CENPP: variants seen among roughly 807,000 people sequenced by gnomAD.
CENPP encodes the protein centromere protein P.
CENPP carries 24 observed loss-of-function variants against 35.6 expected under a neutral mutation model. The observed-to-expected ratio is 0.67, with a 90% confidence interval of 0.49 to 0.95. The LOEUF is 0.95. Among genes scored for constraint, CENPP ranks in the 40% least tolerant of loss-of-function variants. The pLI is 0.00. For missense variants in CENPP, 332 were observed against 345.3 expected, an observed-to-expected ratio of 0.96 and a Z score of 0.31; for synonymous variants, 120 against 125.5, an observed-to-expected ratio of 0.96 and a Z score of 0.29.
chr9:92,340,002 T>C (rs1396332057), intron 3 of CENPP: 1 of 153,778 alleles, frequency 6.5e-6, no homozygotes, highest in Non-Finnish European at 1.5e-5. Flanking sequence ...CTGCAACCCA[T>C]GGCAGGTTGG....
chr9:92,423,819 G>A (rs1213485820), intron 5 of CENPP, among the ~76,000 whole-genome samples: 5 of 152,098 alleles, frequency 3.3e-5, no homozygotes, highest in African/African-American at 1.2e-4. Flanking sequence ...GGAATCACTA[G>A]CATTGCTCAG....
intron 1 of CENPP, among the ~76,000 whole-genome samples, chr9:92,329,245 C>T (rs1031058433): frequency 2.9e-5 from 4 of 139,072 alleles, no homozygotes; most frequent in East Asian, 4.2e-4. Context: ...AGTGTGGTGG[C>T]GCAACCTCAG....
At chr9:92,421,342 G>A (rs1843787500) in intron 5 of CENPP, among the ~76,000 whole-genome samples, 1 of 152,136 alleles carries the variant, frequency 6.6e-6, no homozygotes, top group Non-Finnish European at 1.5e-5. Context: ...CCCCGGCCTT[G>A]GAGGGCCTAA....
intron 5 of CENPP, among the ~76,000 whole-genome samples, chr9:92,395,632 G>C (rs1165613953): frequency 6.6e-6 from 1 of 152,196 alleles, no homozygotes; most frequent in Admixed American, 6.5e-5. Flanking sequence ...CCTACCAGCA[G>C]CATATGAGAG....
At chr9:92,556,207 T>G (rs1849720933) in intron 5 of CENPP, among the ~76,000 whole-genome samples, 1 of 152,224 alleles carries the variant, frequency 6.6e-6, no homozygotes, top group Non-Finnish European at 1.5e-5. Flanking sequence ...TGAAGTTTCC[T>G]TTTGGAATTG....
At chr9:92,576,173 AAAGG>A (rs1850277988) in intron 5 of CENPP, among the ~76,000 whole-genome samples, 1 of 152,242 alleles carries the variant, frequency 6.6e-6, no homozygotes, top group Non-Finnish European at 1.5e-5. Context: ...TTCAGCTTAA[AAAGG>A]AAGGAAATTC....
intron 5 of CENPP, among the ~76,000 whole-genome samples, chr9:92,610,069 G>T (rs1851195013): frequency 6.6e-6 from 1 of 151,548 alleles, no homozygotes; most frequent in Non-Finnish European, 1.5e-5. Flanking sequence ...TTGTTTGTTT[G>T]TTTTGAGACG....
At chr9:92,460,182 C>A (rs1184188646) in intron 5 of CENPP, among the ~76,000 whole-genome samples, 2 of 151,642 alleles carry the variant, frequency 1.3e-5, no homozygotes, top group Admixed American at 6.6e-5. Flanking sequence ...TTACAGGCGC[C>A]CTCCACCATG....
chr9:92,602,900 C>A (rs2038685), intron 5 of CENPP, among the ~76,000 whole-genome samples: 26,892 of 151,756 alleles, frequency 0.18, 3,438 homozygotes, highest in East Asian at 0.66. Context: ...AAGTGATTCT[C>A]CTGCCTCAAC....
At position 92,618,757 on chromosome 9, in the gene CENPP, A is replaced by C. The variant is rs1588329934; in HGVS notation, c.*5608A>C. On this transcript the variant is annotated 3_prime_UTR_variant, in exon 8 of 8. Transcript: ENST00000375587. Reference sequence around the variant, plus strand: ...AATTCTGTGCCTGCCAGGGAACAGGAATCCTGGGAACTGTTTAGTTCAAAA... The same window carrying C: ...AATTCTGTGCCTGCCAGGGAACAGGCATCCTGGGAACTGTTTAGTTCAAAA... 1 of 357,618 alleles carries C rather than the reference A, an allele frequency of 2.8e-6. No individual in the cohort carries two copies. The highest frequency in any genetic ancestry group is 1.0e-3 in the Middle Eastern group (1 of 996). 22.2% of individuals were successfully genotyped at this position (357,618 alleles called of 1,614,324 possible).
intron 5 of CENPP, among the ~76,000 whole-genome samples, chr9:92,486,411 A>T (rs1395546068): frequency 2.6e-5 from 4 of 152,196 alleles, no homozygotes; most frequent in Non-Finnish European, 5.9e-5. Flanking sequence ...CAACATGCAG[A>T]TTGTTTGGAG....
intron 5 of CENPP, chr9:92,501,181 C>T: frequency 1.1e-6 from 1 of 906,888 alleles, no homozygotes; most frequent in Non-Finnish European, 1.6e-6. Context: ...GTGATGATTC[C>T]AAATAGGAAC....
chr9:92,595,801 A>G (rs1047249679), intron 5 of CENPP, among the ~76,000 whole-genome samples: 2 of 152,082 alleles, frequency 1.3e-5, no homozygotes, highest in Non-Finnish European at 2.9e-5. Flanking sequence ...ACCTCAGGCA[A>G]TCTGCCCACC....
chr9:92,494,102 A>T (rs951349913), intron 5 of CENPP: 40 of 1,597,702 alleles, frequency 2.5e-5, no homozygotes, highest in Non-Finnish European at 3.2e-5. Flanking sequence ...AGGAAAGGCC[A>T]CATCTGATCT....
At chr9:92,457,355 A>G (rs1260731437) in intron 5 of CENPP, 1 of 1,614,044 alleles carries the variant, frequency 6.2e-7, no homozygotes. Context: ...TGCAGGTTGC[A>G]TTTCCCAGTA....
At chr9:92,416,643 A>G in intron 5 of CENPP, 2 of 1,588,216 alleles carry the variant, frequency 1.3e-6, no homozygotes, top group Non-Finnish European at 1.7e-6. Context: ...TTTTGTAGGT[A>G]TAGGTGTTCC....
intron 5 of CENPP, among the ~76,000 whole-genome samples, chr9:92,501,733 T>C (rs980550812): frequency 3.9e-5 from 6 of 152,208 alleles, no homozygotes; most frequent in Non-Finnish European, 8.8e-5. Context: ...TGAGCCCAAT[T>C]GGCCTCTCCA....
chr9:92,465,511 A>G (rs1013065519), intron 5 of CENPP, among the ~76,000 whole-genome samples: 128 of 152,374 alleles, frequency 8.4e-4, no homozygotes, highest in African/African-American at 2.9e-3. Flanking sequence ...ACTTGGTTGA[A>G]TTAAATGAAT....
At position 92,387,096 on chromosome 9, in the gene CENPP, G is replaced by A. The variant is rs554034340; in HGVS notation, c.564+7237G>A. Among the ~76,000 whole-genome samples, 13 of 151,162 alleles carry A rather than the reference G, an allele frequency of 8.6e-5. No individual in the cohort carries two copies. The South Asian group carries it at 2.5e-3, about 30-fold the overall frequency. ...AAAAAGAAATGTGTGTGCTTAGCCGGGCATGGTGGCTCACGCCTGTAATCC... is the reference window on the plus strand; with the variant it reads ...AAAAAGAAATGTGTGTGCTTAGCCGAGCATGGTGGCTCACGCCTGTAATCC... On this transcript the variant is annotated intron_variant, in intron 5 of 7. Coordinates refer to ENST00000375587, the MANE Select transcript of CENPP (RefSeq NM_001012267.3).
Sources: allele counts gnomAD v4.1 joint callset (sites outside exome capture counted in the v4.1 genomes callset), GRCh38; gene constraint gnomAD v4.1.1; transcripts MANE v1.5; gene names NCBI Gene and HGNC (gene_info 2026-07-23, HGNC 2026-07-21).